The following OLIG2 variants were observed in gnomAD, a reference collection of about 807,000 sequenced individuals.
OLIG2 encodes the protein oligodendrocyte transcription factor 2.
OLIG2 carries 12 observed loss-of-function variants against 13.4 expected under a neutral mutation model. The ratio of observed to expected loss-of-function variants is 0.90; its 90% confidence interval spans 0.58 to 1.46. The LOEUF (loss-of-function observed/expected upper bound fraction) is 1.46. OLIG2 is among the 40% of genes most tolerant of loss of function. The pLI is 0.00. For missense variants in OLIG2, 415 were observed against 487.9 expected (o/e 0.85, Z 1.41); for synonymous variants, 250 against 233.6 (o/e 1.07, Z -0.64).
At position 33,027,665 on chromosome 21, in the gene OLIG2, C is replaced by T; in HGVS notation, c.803C>T (p.Ala268Val). Reference protein sequence around the residue: ...HGLLKSPSAAAAAPLGGGGGG... With the variant: ...HGLLKSPSAAVAAPLGGGGGG... ...CTACTCAAGTCTCCGTCTGCTGCCG[C>T]GGCCGCCCCGCTGGGGGGCGGGGGC... Residue 268 changes from alanine (A) to valine (V), a missense_variant, in exon 2 of 2, where the codon GCG becomes GTG. Physicochemically the swap from Ala to Val is moderately conservative, Grantham distance 64 (BLOSUM62 0). Coordinates refer to ENST00000382357, the MANE Select transcript of OLIG2 (RefSeq NM_005806.4). 6.5e-6 allele frequency: 9 copies of T among 1,394,508 alleles called. No homozygotes were observed. The highest frequency in any genetic ancestry group is 8.3e-6 in the Non-Finnish European group (9 of 1,082,962). The allele number at this position is 1,394,508 out of a possible 1,614,324, so 86.4% of individuals were successfully genotyped here. A position where few individuals can be genotyped will look rare whatever the true frequency, so the allele number is the denominator to read the frequency against.
chr21:33,028,981 C>G lies in OLIG2; in HGVS notation c.*1147C>G, dbSNP rs762480038. ...ACTCCTCCACGTGCTTCCTGCGTTC[C>G]GTGCAAGCCGCCTCGGCGCTGCCTG... On this transcript the variant is annotated 3_prime_UTR_variant, in exon 2 of 2. Transcript: ENST00000382357. 4 of 242,264 alleles carry G rather than the reference C, an allele frequency of 1.7e-5. No homozygotes were observed. The highest frequency in any genetic ancestry group is 5.7e-5 in the Admixed American group (1 of 17,570). 15.0% of individuals were successfully genotyped at this position (242,264 alleles called of 1,614,324 possible).
Position 33,026,756 on chromosome 21 carries a change from C to T in OLIG2, c.-62-45C>T. 7.4e-7 allele frequency: 1 copy of T among 1,352,266 alleles called. No individual in the cohort carries two copies. The highest frequency in any genetic ancestry group is 1.0e-6 in the Non-Finnish European group (1 of 1,001,558). 83.8% of individuals were successfully genotyped at this position (1,352,266 alleles called of 1,614,324 possible). On this transcript the variant is annotated intron_variant, in intron 1 of 1. Transcript: ENST00000382357. The surrounding 1 kb of genome is among the most constrained non-coding windows in gnomAD (Gnocchi z 6.6). Reference sequence around the variant, plus strand: ...TGACTCACTCTCTCTCTCTCTCCCTCTCTCTCTCTCTCATTCTCTCTCTTT... The same window carrying T: ...TGACTCACTCTCTCTCTCTCTCCCTTTCTCTCTCTCTCATTCTCTCTCTTT...
Position 33,027,211 on chromosome 21 carries a change from G to T in OLIG2, c.349G>T (p.Glu117Ter), listed in dbSNP as rs1270614322. 1 of 1,610,820 alleles carries T rather than the reference G, an allele frequency of 6.2e-7. No individual in the cohort carries two copies. Residue 117 changes from glutamate (E) to a stop codon, truncating the protein, a stop_gained, in exon 2 of 2, where the codon GAG becomes TAG. Transcript: ENST00000382357. LOFTEE classifies it high-confidence loss of function. ...QQLRLKINSR[E>*]RKRMHDLNIA... ...GCTGCGTCTCAAGATCAACAGCCGC[G>T]AGCGCAAGCGCATGCACGACCTCAA...
chr21:33,027,887 A>G lies in OLIG2; in HGVS notation c.*53A>G. ...ACAGGGGAGCCAGGGGCCGCGGGGA[A>G]GCGAGGACTGGCCTGCGCTGGGCTC... is the stretch of plus-strand genomic sequence containing the variant. On this transcript the variant is annotated 3_prime_UTR_variant, in exon 2 of 2. Transcript: ENST00000382357. 7.4e-7 allele frequency: 1 copy of G among 1,350,130 alleles called. No individual in the cohort carries two copies. The highest frequency in any genetic ancestry group is 1.8e-5 in the South Asian group (1 of 55,126). The allele number at this position is 1,350,130 out of a possible 1,614,324, so 83.6% of individuals were successfully genotyped here.
chr21:33,026,818 A>G lies in OLIG2; in HGVS notation c.-45A>G. 2 of 1,596,854 alleles carry G rather than the reference A, an allele frequency of 1.3e-6. No individual in the cohort carries two copies. The highest frequency in any genetic ancestry group is 1.7e-6 in the Non-Finnish European group (2 of 1,176,082). ...CCTGGAAGTTTTCGGGTCCGAGGGA[A>G]GGAGGACCCTGCGAAAGCTGCGACG... On this transcript the variant is annotated 5_prime_UTR_variant, in exon 2 of 2. Transcript: ENST00000382357. The surrounding 1 kb of genome is among the most constrained non-coding windows in gnomAD (Gnocchi z 6.6).
rs1981142627 is a variant in OLIG2, at chr21:33,027,552, T to C, written c.690T>C (p.Ala230=). The C allele has an allele frequency of 2.7e-6, 4 of 1,474,408 alleles. No homozygotes were observed. Among genetic ancestry groups the C allele is most frequent in the South Asian group, 1.3e-5 (1 of 78,378 alleles). The allele number at this position is 1,474,408 out of a possible 1,614,324, so 91.3% of individuals were successfully genotyped here. A position where few individuals can be genotyped will look rare whatever the true frequency, so the allele number is the denominator to read the frequency against. The change falls in exon 2 of 2, where the codon GCT becomes GCC. Residue 230 remains alanine (A), a synonymous_variant. Coordinates refer to ENST00000382357, the MANE Select transcript of OLIG2 (RefSeq NM_005806.4). Reference sequence around the variant, plus strand: ...TGCCGCCCGCCGCCGCAGCGGCTGCTGCCGCCGCTGCAGCCGCGGCTGTGT... The same window carrying C: ...TGCCGCCCGCCGCCGCAGCGGCTGCCGCCGCCGCTGCAGCCGCGGCTGTGT... ...PILPPAAAAA[A]AAAAAAAVSS...
At position 33,027,720 on chromosome 21, in the gene OLIG2, G is replaced by A; in HGVS notation, c.858G>A (p.Gln286=). 7.3e-7 allele frequency: 1 copy of A among 1,369,642 alleles called. No individual in the cohort carries two copies. The highest frequency in any genetic ancestry group is 9.3e-7 in the Non-Finnish European group (1 of 1,069,598). The allele number at this position is 1,369,642 out of a possible 1,614,324, so 84.8% of individuals were successfully genotyped here. The change falls in exon 2 of 2, where the codon CAG becomes CAA. Residue 286 remains glutamine (Q), a synonymous_variant. Transcript: ENST00000382357. ...GGGSGASGGF[Q]HWGGMPCPCS... ...GCAGTGGGGCGAGCGGGGGCTTCCA[G>A]CACTGGGGCGGCATGCCCTGCCCCT... is the stretch of plus-strand genomic sequence containing the variant.
Position 33,027,641 on chromosome 21 carries a change from T to C in OLIG2, c.779T>C (p.Leu260Pro). ...SVGSIRPPHG[L>P]LKSPSAAAAA... The stretch of plus-strand genomic sequence containing the variant: ...GGCTCCATCCGTCCACCGCACGGCC[T>C]ACTCAAGTCTCCGTCTGCTGCCGCG... Residue 260 changes from leucine (L) to proline (P), a missense_variant, in exon 2 of 2, where the codon CTA becomes CCA. Physicochemically the swap from Leu to Pro is moderately conservative, Grantham distance 98. Coordinates refer to ENST00000382357, the MANE Select transcript of OLIG2 (RefSeq NM_005806.4). 1.4e-6 allele frequency: 2 copies of C among 1,441,396 alleles called. No homozygotes were observed. The highest frequency in any genetic ancestry group is 1.8e-6 in the Non-Finnish European group (2 of 1,104,672). 89.3% of individuals were successfully genotyped at this position (1,441,396 alleles called of 1,614,324 possible). A position where few individuals can be genotyped will look rare whatever the true frequency, so the allele number is the denominator to read the frequency against.
chr21:33,028,817 T>G lies in OLIG2; in HGVS notation c.*983T>G, dbSNP rs1032220623. 1.6e-5 allele frequency: 4 copies of G among 243,312 alleles called. No homozygotes were observed. Among genetic ancestry groups the G allele is most frequent in the Non-Finnish European group, 1.7e-5 (2 of 115,178 alleles). 15.1% of individuals were successfully genotyped at this position (243,312 alleles called of 1,614,324 possible). On this transcript the variant is annotated 3_prime_UTR_variant, in exon 2 of 2. Transcript: ENST00000382357. ...TGTTGGCTTTTTAAAATTTTCTTTT[T>G]TGGATGTGTAAATTTATCAATGATG...
chr21:33,027,860 C>T lies in OLIG2; in HGVS notation c.*26C>T. 2 of 1,366,288 alleles carry T rather than the reference C, an allele frequency of 1.5e-6. No homozygotes were observed. The highest frequency in any genetic ancestry group is 1.7e-5 in the South Asian group (1 of 58,926). The allele number at this position is 1,366,288 out of a possible 1,614,324, so 84.6% of individuals were successfully genotyped here. On this transcript the variant is annotated 3_prime_UTR_variant, in exon 2 of 2. Coordinates refer to ENST00000382357, the MANE Select transcript of OLIG2 (RefSeq NM_005806.4). ...GCCGACTGGCGCCGGCGCGTTCTGG[C>T]GACAGGGGAGCCAGGGGCCGCGGGG...
Position 33,027,949 on chromosome 21 carries a change from A to C in OLIG2, c.*115A>C. The C allele has an allele frequency of 8.5e-7, 1 of 1,173,938 alleles. No homozygotes were observed. Among genetic ancestry groups the C allele is most frequent in the Non-Finnish European group, 1.1e-6 (1 of 899,814 alleles). The allele number at this position is 1,173,938 out of a possible 1,614,324, so 72.7% of individuals were successfully genotyped here. A position where few individuals can be genotyped will look rare whatever the true frequency, so the allele number is the denominator to read the frequency against. ...CGCGAGGAGGGGCGCAGGACCATGGACTGGGGGTGGGGCATGGTGGGGATT... is the reference window on the plus strand; with the variant it reads ...CGCGAGGAGGGGCGCAGGACCATGGCCTGGGGGTGGGGCATGGTGGGGATT... On this transcript the variant is annotated 3_prime_UTR_variant, in exon 2 of 2. Transcript: ENST00000382357.
rs1601712656 is a variant in OLIG2, at chr21:33,026,528, C to T, written c.-62-273C>T. 3.0e-6 allele frequency: 1 copy of T among 331,676 alleles called. No individual in the cohort carries two copies. The highest frequency in any genetic ancestry group is 5.6e-6 in the Non-Finnish European group (1 of 178,212). 20.5% of individuals were successfully genotyped at this position (331,676 alleles called of 1,614,324 possible). A position where few individuals can be genotyped will look rare whatever the true frequency, so the allele number is the denominator to read the frequency against. Reference sequence around the variant, plus strand: ...AGCCTCTAGAATGCCACCCGCACCCCGAGGGTCACCAACGCTCCCTGAAAT... The same window carrying T: ...AGCCTCTAGAATGCCACCCGCACCCTGAGGGTCACCAACGCTCCCTGAAAT... On this transcript the variant is annotated intron_variant, in intron 1 of 1. Transcript: ENST00000382357. This position sits in a 1 kb window ranked among gnomAD's most constrained non-coding sequence, Gnocchi z 6.6.
chr21:33,027,870 G>A lies in OLIG2; in HGVS notation c.*36G>A. 7.3e-7 allele frequency: 1 copy of A among 1,360,570 alleles called. No homozygotes were observed. Among genetic ancestry groups the A allele is most frequent in the South Asian group, 1.7e-5 (1 of 57,680 alleles). The allele number at this position is 1,360,570 out of a possible 1,614,324, so 84.3% of individuals were successfully genotyped here. A position where few individuals can be genotyped will look rare whatever the true frequency, so the allele number is the denominator to read the frequency against. On this transcript the variant is annotated 3_prime_UTR_variant, in exon 2 of 2. Transcript: ENST00000382357. ...GCCGGCGCGTTCTGGCGACAGGGGA[G>A]CCAGGGGCCGCGGGGAAGCGAGGAC... is the stretch of plus-strand genomic sequence containing the variant.
chr21:33,026,704 G>C lies in OLIG2; in HGVS notation c.-62-97G>C. 6 of 932,282 alleles carry C rather than the reference G, an allele frequency of 6.4e-6. No homozygotes were observed. The highest frequency in any genetic ancestry group is 7.8e-6 in the Non-Finnish European group (5 of 637,064). 57.8% of individuals were successfully genotyped at this position (932,282 alleles called of 1,614,324 possible). On this transcript the variant is annotated intron_variant, in intron 1 of 1. Coordinates refer to ENST00000382357, the MANE Select transcript of OLIG2 (RefSeq NM_005806.4). The surrounding 1 kb of genome is among the most constrained non-coding windows in gnomAD (Gnocchi z 6.6). ...CCCCGCGCTGTGGTACTGCGGTGCA[G>C]GCGGGAGCAGCTTTTCTGTCTCTCA... is the stretch of plus-strand genomic sequence containing the variant.
Position 33,026,772 on chromosome 21 carries a change from C to G in OLIG2, c.-62-29C>G. The stretch of plus-strand genomic sequence containing the variant: ...TCTCTCCCTCTCTCTCTCTCTCATT[C>G]TCTCTCTTTTCTCCTCCTCTCCTGG... On this transcript the variant is annotated intron_variant, in intron 1 of 1. Transcript: ENST00000382357. This position sits in a 1 kb window ranked among gnomAD's most constrained non-coding sequence, Gnocchi z 6.6. The G allele has an allele frequency of 6.8e-7, 1 of 1,470,782 alleles. No individual in the cohort carries two copies. The highest frequency in any genetic ancestry group is 9.2e-7 in the Non-Finnish European group (1 of 1,088,740). The allele number at this position is 1,470,782 out of a possible 1,614,324, so 91.1% of individuals were successfully genotyped here.
chr21:33,027,432 C>T lies in OLIG2; in HGVS notation c.570C>T (p.Gly190=), dbSNP rs1404423581. 1 of 1,537,728 alleles carries T rather than the reference C, an allele frequency of 6.5e-7. No individual in the cohort carries two copies. ...HHAGFHPSAC[G]GLAHSAPLPA... is the part of the protein sequence containing the mutation. ...CTGGCTTCCACCCGTCGGCCTGCGG[C>T]GGCCTGGCGCACTCCGCGCCCCTGC... Residue 190 remains glycine, a synonymous_variant, in exon 2 of 2, where the codon GGC becomes GGT. Coordinates refer to ENST00000382357, the MANE Select transcript of OLIG2 (RefSeq NM_005806.4).
chr21:33,026,737 ACTCTCTCTCTCTCTCC>A lies in OLIG2; in HGVS notation c.-62-48_-62-33del, dbSNP rs1981086717. 25 of 1,102,848 alleles carry A rather than the reference ACTCTCTCTCTCTCTCC, an allele frequency of 2.3e-5. No homozygotes were observed. In the South Asian group the frequency reaches 2.5e-4, roughly 11 times the overall value. 68.3% of individuals were successfully genotyped at this position (1,102,848 alleles called of 1,614,324 possible). On this transcript the variant is annotated intron_variant, in intron 1 of 1. Transcript: ENST00000382357. This position sits in a 1 kb window ranked among gnomAD's most constrained non-coding sequence, Gnocchi z 6.6. ...CAGCTTTTCTGTCTCTCACTGACTC[ACTCTCTCTCTCTCTCC>A]CTCTCTCTCTCTCTCATTCTCTCTC... is the stretch of plus-strand genomic sequence containing the variant.
chr21:33,028,161 T>G lies in OLIG2; in HGVS notation c.*327T>G. 1 of 308,416 alleles carries G rather than the reference T, an allele frequency of 3.2e-6. No homozygotes were observed. Among genetic ancestry groups the G allele is most frequent in the Non-Finnish European group, 6.3e-6 (1 of 159,984 alleles). The allele number at this position is 308,416 out of a possible 1,614,324, so 19.1% of individuals were successfully genotyped here. A position where few individuals can be genotyped will look rare whatever the true frequency, so the allele number is the denominator to read the frequency against. Reference sequence around the variant, plus strand: ...ACTCATCCGACCCCCGACCCCCACCTCCGGGAAAAGATTCTAAAAACTTCT... The same window carrying G: ...ACTCATCCGACCCCCGACCCCCACCGCCGGGAAAAGATTCTAAAAACTTCT... On this transcript the variant is annotated 3_prime_UTR_variant, in exon 2 of 2. Transcript: ENST00000382357.
In OLIG2 at chr21:33,027,137, C is replaced by A; in HGVS notation, c.275C>A (p.Ser92Ter). 1 of 1,611,472 alleles carries A rather than the reference C, an allele frequency of 6.2e-7. No individual in the cohort carries two copies. Among genetic ancestry groups the A allele is most frequent in the Non-Finnish European group, 8.5e-7 (1 of 1,179,188 alleles). ...TCGTCTACGTCGTCGGCGGCTGCGT[C>A]GTCCACCAAGAAGGACAAGAAGCAA... Reference protein sequence around the residue: ...TSSSTSSAAASSTKKDKKQMT... With the variant: ...TSSSTSSAAA Residue 92 changes from serine (S) to a stop codon, truncating the protein, a stop_gained, in exon 2 of 2, where the codon TCG becomes TAG. Transcript: ENST00000382357. LOFTEE classifies it high-confidence loss of function.
Sources: allele counts gnomAD v4.1 joint callset, GRCh38; gene constraint gnomAD v4.1.1; non-coding constraint Gnocchi (gnomAD v3.1); transcripts MANE v1.5; gene names NCBI Gene and HGNC (gene_info 2026-07-23, HGNC 2026-07-21).